Variants in RNF224 observed in about 807,000 individuals in gnomAD.
RNF224 encodes ring finger protein 224.
In RNF224, 1 loss-of-function variant was observed where a neutral mutation model predicts 2.9. The ratio of observed to expected loss-of-function variants is 0.35; its 90% CI spans 0.12 to 1.66. The LOEUF (loss-of-function observed/expected upper bound fraction) is 1.66. Ranked by LOEUF, RNF224 falls within the 40% of genes most tolerant of loss-of-function variation. The probability of loss-of-function intolerance (pLI) is 0.35; values close to 1 mark genes in which losing one functional copy is unlikely to be tolerated. For missense variants in RNF224, 254 were observed against 221.8 expected (o/e 1.15, Z -0.92); for synonymous variants, 116 against 97.6 (o/e 1.19, Z -1.11).
At chr9:137,228,490 C>A (rs916427874) in intron 2 of RNF224, 132 bp from the exon 3 acceptor site, 7 of 1,084,306 alleles carry the variant, frequency 6.5e-6, no homozygotes. Flanking sequence ...GTGCCACGCT[C>A]CCTCCCAGGT....
Position 137,228,912 on chromosome 9 carries a change from G to T in RNF224, c.297G>T (p.Glu99Asp). 1 of 1,535,726 alleles carries T rather than the reference G, an allele frequency of 6.5e-7. No homozygotes were observed. Among genetic ancestry groups the T allele is most frequent in the Non-Finnish European group, 8.7e-7 (1 of 1,146,830 alleles). ...AAFLAVKAEREPARLEPLPLT... is the reference protein window; with the variant it reads ...AAFLAVKAERDPARLEPLPLT... ...TCCTGGCGGTCAAGGCTGAGCGGGA[G>T]CCGGCAAGACTAGAACCCCTGCCCC... is the stretch of plus-strand genomic sequence containing the variant. The change falls in exon 3 of 3, where the codon GAG becomes GAT. Residue 99 changes from glutamate (E) to aspartate (D), a missense_variant. Coordinates refer to ENST00000445101, the MANE Select transcript of RNF224 (RefSeq NM_001190228.2).
At position 137,229,536 on chromosome 9, in the gene RNF224, C is replaced by G. The variant is rs537649057; in HGVS notation, c.*450C>G. The G allele has an allele frequency of 5.4e-6, 1 of 186,508 alleles. No homozygotes were observed. The highest frequency in any genetic ancestry group is 1.1e-5 in the Non-Finnish European group (1 of 88,712). The allele number at this position is 186,508 out of a possible 1,614,324, so 11.6% of individuals were successfully genotyped here. On this transcript the variant is annotated 3_prime_UTR_variant, in exon 3 of 3. Transcript: ENST00000445101. ...GAGCAGGTCTCCCCTCTCCCACAGA[C>G]GTCCCCGGGGTGTACCGGGAGGGTG...
chr9:137,228,664 C>G lies in RNF224; in HGVS notation c.49C>G (p.Pro17Ala), dbSNP rs759334837. The change falls in exon 3 of 3, where the codon CCC becomes GCC. Residue 17 changes from proline (P) to alanine (A), a missense_variant. Transcript: ENST00000445101. ...GGPPGLGGGG[P>A]PEERTDCIIC... ...GCCCCCAGGCCTCGGAGGAGGGGGGCCCCCGGAGGAGAGGACAGACTGCAT... is the reference window on the plus strand; with the variant it reads ...GCCCCCAGGCCTCGGAGGAGGGGGGGCCCCGGAGGAGAGGACAGACTGCAT... 2.1e-6 allele frequency: 3 copies of G among 1,461,120 alleles called. No individual in the cohort carries two copies. The Admixed American group carries it at 7.2e-5, about 35-fold the overall frequency. The allele number at this position is 1,461,120 out of a possible 1,614,324, so 90.5% of individuals were successfully genotyped here. A position where few individuals can be genotyped will look rare whatever the true frequency, so the allele number is the denominator to read the frequency against.
chr9:137,228,967 C>G lies in RNF224; in HGVS notation c.352C>G (p.Arg118Gly). 1 of 1,535,684 alleles carries G rather than the reference C, an allele frequency of 6.5e-7. No homozygotes were observed. Among genetic ancestry groups the G allele is most frequent in the Non-Finnish European group, 8.7e-7 (1 of 1,146,788 alleles). ...LTSLKGSAIT[R>G]QPAGLCPALG... ...CTCCCTCAAAGGCAGCGCCATCACT[C>G]GGCAGCCAGCTGGGCTGTGCCCTGC... Residue 118 changes from arginine (R) to glycine (G), a missense_variant, in exon 3 of 3, where the codon CGG becomes GGG. By Grantham distance (125) the Arg-to-Gly change is moderately radical. Coordinates refer to ENST00000445101, the MANE Select transcript of RNF224 (RefSeq NM_001190228.2).
Position 137,228,794 on chromosome 9 carries a change from C to T in RNF224, c.179C>T (p.Pro60Leu), listed in dbSNP as rs1836045239. The change falls in exon 3 of 3, where the codon CCC (proline) becomes CTC (leucine). Residue 60 changes from proline to leucine, a missense_variant. Coordinates refer to ENST00000445101, the MANE Select transcript of RNF224 (RefSeq NM_001190228.2). ...GTGCGGCGGCTGGACACACCGGCGC[C>T]CGAGCAGCGCTGGATCCCCTGTCCG... Reference protein sequence around the residue: ...ACVRRLDTPAPEQRWIPCPQC... With the variant: ...ACVRRLDTPALEQRWIPCPQC... The T allele has an allele frequency of 3.3e-6, 5 of 1,533,570 alleles. No homozygotes were observed. Among genetic ancestry groups the T allele is most frequent in the Non-Finnish European group, 4.4e-6 (5 of 1,145,696 alleles). 95.0% of individuals were successfully genotyped at this position (1,533,570 alleles called of 1,614,324 possible). A position where few individuals can be genotyped will look rare whatever the true frequency, so the allele number is the denominator to read the frequency against.
At chr9:137,228,092 G>T in intron 1 of RNF224, 60 bp from the exon 2 acceptor site, 1 of 546,288 alleles carries the variant, frequency 1.8e-6, no homozygotes, top group Non-Finnish European at 3.2e-6. Context: ...GGTCTGGACA[G>T]GAGGGGGTGG....
chr9:137,228,522 A>T, intron 2 of RNF224, 100 bp from the exon 3 acceptor site: 3 of 1,134,960 alleles, frequency 2.6e-6, no homozygotes, highest in Non-Finnish European at 3.6e-6. Context: ...ACCCCCACAG[A>T]CCCAGCGCCT....
At position 137,228,098 on chromosome 9, in the gene RNF224, G is replaced by A. The variant is rs1275965296; in HGVS notation, c.-184-54G>A. 19 of 546,948 alleles carry A rather than the reference G, an allele frequency of 3.5e-5. No homozygotes were observed. The South Asian group carries it at 4.1e-4, about 12-fold the overall frequency. 33.9% of individuals were successfully genotyped at this position (546,948 alleles called of 1,614,324 possible). On this transcript the variant is annotated intron_variant, in intron 1 of 2. Coordinates refer to ENST00000445101, the MANE Select transcript of RNF224 (RefSeq NM_001190228.2). The stretch of plus-strand genomic sequence containing the variant: ...AGCTGGCTGGGTCTGGACAGGAGGG[G>A]GTGGGCAGGGGGCGGGGGGCACCTT...
chr9:137,228,712 C>T lies in RNF224; in HGVS notation c.97C>T (p.Leu33Phe). The T allele has an allele frequency of 6.5e-7, 1 of 1,527,478 alleles. No homozygotes were observed. Among genetic ancestry groups the T allele is most frequent in the Non-Finnish European group, 8.8e-7 (1 of 1,141,580 alleles). The allele number at this position is 1,527,478 out of a possible 1,614,324, so 94.6% of individuals were successfully genotyped here. Reference protein sequence around the residue: ...DCIICCSAYDLSGHLPRRLYC... With the variant: ...DCIICCSAYDFSGHLPRRLYC... Reference sequence around the variant, plus strand: ...CATCATCTGCTGCTCGGCCTATGACCTCTCCGGGCACCTGCCCCGCCGCCT... The same window carrying T: ...CATCATCTGCTGCTCGGCCTATGACTTCTCCGGGCACCTGCCCCGCCGCCT... Residue 33 changes from leucine (L) to phenylalanine (F), a missense_variant, in exon 3 of 3, where the codon CTC (leucine) becomes TTC (phenylalanine). Transcript: ENST00000445101.
Position 137,229,411 on chromosome 9 carries a change from C to T in RNF224, c.*325C>T, listed in dbSNP as rs923661960. On this transcript the variant is annotated 3_prime_UTR_variant, in exon 3 of 3. Transcript: ENST00000445101. ...AAGCCTGGCTTGGGCCTAGACGCAG[C>T]GCAAAGGATGGCTCCCAAGAGGATG... 2.3e-5 allele frequency: 9 copies of T among 384,196 alleles called. No individual in the cohort carries two copies. Among genetic ancestry groups the T allele is most frequent in the African/African-American group, 4.1e-5 (2 of 49,366 alleles). 23.8% of individuals were successfully genotyped at this position (384,196 alleles called of 1,614,324 possible).
chr9:137,229,014 C>T lies in RNF224; in HGVS notation c.399C>T (p.Phe133=). ...CTGCCCTGGGACCCCAGCCCCACTTCCCCCAGCCCAGATACTGCTGCTGGG... is the reference window on the plus strand; with the variant it reads ...CTGCCCTGGGACCCCAGCCCCACTTTCCCCAGCCCAGATACTGCTGCTGGG... ...LCPALGPQPH[F]PQPRYCCWGC... The change falls in exon 3 of 3, where the codon TTC becomes TTT. Residue 133 remains phenylalanine, a synonymous_variant. Coordinates refer to ENST00000445101, the MANE Select transcript of RNF224 (RefSeq NM_001190228.2). The T allele has an allele frequency of 2.6e-6, 4 of 1,535,140 alleles. No individual in the cohort carries two copies. Among genetic ancestry groups the T allele is most frequent in the Non-Finnish European group, 3.5e-6 (4 of 1,146,346 alleles).
Position 137,228,717 on chromosome 9 carries a change from C to A in RNF224, c.102C>A (p.Ser34=), listed in dbSNP as rs556027522. 7.9e-6 allele frequency: 12 copies of A among 1,528,220 alleles called. No individual in the cohort carries two copies. The highest frequency in any genetic ancestry group is 7.9e-6 in the Non-Finnish European group (9 of 1,142,198). 94.7% of individuals were successfully genotyped at this position (1,528,220 alleles called of 1,614,324 possible). ...CIICCSAYDL[S]GHLPRRLYCG... Reference sequence around the variant, plus strand: ...TCTGCTGCTCGGCCTATGACCTCTCCGGGCACCTGCCCCGCCGCCTCTACT... The same window carrying A: ...TCTGCTGCTCGGCCTATGACCTCTCAGGGCACCTGCCCCGCCGCCTCTACT... Residue 34 remains serine, a synonymous_variant, in exon 3 of 3, where the codon TCC becomes TCA. Transcript: ENST00000445101.
chr9:137,229,474 G>T lies in RNF224; in HGVS notation c.*388G>T. 1 of 249,526 alleles carries T rather than the reference G, an allele frequency of 4.0e-6. No homozygotes were observed. Among genetic ancestry groups the T allele is most frequent in the Non-Finnish European group, 7.9e-6 (1 of 127,374 alleles). The allele number at this position is 249,526 out of a possible 1,614,324, so 15.5% of individuals were successfully genotyped here. A position where few individuals can be genotyped will look rare whatever the true frequency, so the allele number is the denominator to read the frequency against. ...GGGGGCCTGGGCTGCAGGCTGGAGGGGCAGGGCCGGTCTGGCTATGCCTGG... is the reference window on the plus strand; with the variant it reads ...GGGGGCCTGGGCTGCAGGCTGGAGGTGCAGGGCCGGTCTGGCTATGCCTGG... On this transcript the variant is annotated 3_prime_UTR_variant, in exon 3 of 3. Coordinates refer to ENST00000445101, the MANE Select transcript of RNF224 (RefSeq NM_001190228.2).
chr9:137,229,195 C>T lies in RNF224; in HGVS notation c.*109C>T, dbSNP rs576103828. On this transcript the variant is annotated 3_prime_UTR_variant, in exon 3 of 3. Transcript: ENST00000445101. ...AACAACCTGGCAGTAGCATCCTATA[C>T]GCAGCTTCGTGTGGCCCAGCAGGGT... The T allele has an allele frequency of 2.3e-5, 15 of 662,028 alleles. No individual in the cohort carries two copies. Among genetic ancestry groups the T allele is most frequent in the South Asian group, 3.7e-5 (2 of 54,052 alleles). 41.0% of individuals were successfully genotyped at this position (662,028 alleles called of 1,614,324 possible). A position where few individuals can be genotyped will look rare whatever the true frequency, so the allele number is the denominator to read the frequency against.
rs751030669 is a variant in RNF224, at chr9:137,228,795, C to G, written c.180C>G (p.Pro60=). 148 of 1,533,524 alleles carry G rather than the reference C, an allele frequency of 9.7e-5. No homozygotes were observed. Among genetic ancestry groups the G allele is most frequent in the Non-Finnish European group, 1.2e-4 (143 of 1,145,686 alleles). 95.0% of individuals were successfully genotyped at this position (1,533,524 alleles called of 1,614,324 possible). A position where few individuals can be genotyped will look rare whatever the true frequency, so the allele number is the denominator to read the frequency against. The part of the protein sequence containing the change: ...ACVRRLDTPA[P]EQRWIPCPQC... ...TGCGGCGGCTGGACACACCGGCGCC[C>G]GAGCAGCGCTGGATCCCCTGTCCGC... is the stretch of plus-strand genomic sequence containing the variant. Residue 60 remains proline, a synonymous_variant, in exon 3 of 3, where the codon CCC becomes CCG. Coordinates refer to ENST00000445101, the MANE Select transcript of RNF224 (RefSeq NM_001190228.2).
At position 137,229,449 on chromosome 9, in the gene RNF224, G is replaced by C; in HGVS notation, c.*363G>C. 3.6e-6 allele frequency: 1 copy of C among 276,836 alleles called. No homozygotes were observed. Among genetic ancestry groups the C allele is most frequent in the Non-Finnish European group, 7.0e-6 (1 of 143,522 alleles). The allele number at this position is 276,836 out of a possible 1,614,324, so 17.1% of individuals were successfully genotyped here. On this transcript the variant is annotated 3_prime_UTR_variant, in exon 3 of 3. Transcript: ENST00000445101. ...TCCCAAGAGGATGCGAAGGCGTCCC[G>C]GGGGCCTGGGCTGCAGGCTGGAGGG...
Position 137,228,798 on chromosome 9 carries a change from G to A in RNF224, c.183G>A (p.Glu61=). Residue 61 remains glutamate (E), a synonymous_variant, in exon 3 of 3, where the codon GAG becomes GAA. Transcript: ENST00000445101. ...GGCGGCTGGACACACCGGCGCCCGA[G>A]CAGCGCTGGATCCCCTGTCCGCAGT... ...CVRRLDTPAP[E]QRWIPCPQCR... 6.5e-7 allele frequency: 1 copy of A among 1,533,942 alleles called. No individual in the cohort carries two copies. The highest frequency in any genetic ancestry group is 8.7e-7 in the Non-Finnish European group (1 of 1,145,892).
rs576647858 is a variant in RNF224, at chr9:137,228,147, G to A, written c.-184-5G>A. The A allele has an allele frequency of 1.1e-4, 63 of 579,500 alleles. 1 individual carries two copies. Among genetic ancestry groups the A allele is most frequent in the South Asian group, 9.9e-4 (49 of 49,538 alleles). 35.9% of individuals were successfully genotyped at this position (579,500 alleles called of 1,614,324 possible). ...TTATCTCTTGCAAGTGGGTGGTGCC[G>A]TTAGATCTAGTTTCAAGGCTTTGTG... On this transcript the variant is annotated splice_region_variant and splice_polypyrimidine_tract_variant and intron_variant, in intron 1 of 2. Transcript: ENST00000445101.
intron 1 of RNF224, 118 bp from the exon 2 acceptor site, chr9:137,228,034 A>C: frequency 2.4e-6 from 1 of 414,030 alleles, no homozygotes; most frequent in Non-Finnish European, 4.3e-6. Context: ...AGAGTGGGGA[A>C]ATGGACCCCA....
Sources: allele counts gnomAD v4.1 joint callset, GRCh38; gene constraint gnomAD v4.1.1; transcripts MANE v1.5; gene names NCBI Gene and HGNC (gene_info 2026-07-23, HGNC 2026-07-21).